Variants in ARMC3 observed in about 807,000 individuals in gnomAD.
ARMC3 encodes the protein armadillo repeat containing 3.
A neutral mutation model predicts 90.3 loss-of-function variants in ARMC3; 74 were observed. That is an observed-to-expected ratio of 0.82 (90% CI 0.68 to 0.99). The LOEUF is 0.99. Among genes scored for constraint, ARMC3 ranks in the 50% least tolerant of loss-of-function variants. The pLI is 0.00. For missense variants in ARMC3, 958 were observed against 1,042.8 expected (o/e 0.92, Z 1.12); for synonymous variants, 334 against 361.8 (o/e 0.92, Z 0.87).
chr10:22,947,326 A>C (rs1476638353), intron 3 of ARMC3, among the ~76,000 whole-genome samples: 2 of 60,216 alleles, frequency 3.3e-5, no homozygotes, highest in South Asian at 4.0e-4. Context: ...CCAACCAACC[A>C]AAAAAAAAAA....
intron 2 of ARMC3, among the ~76,000 whole-genome samples, chr10:22,941,050 T>C (rs1834307944): frequency 6.6e-6 from 1 of 152,186 alleles, no homozygotes. Context: ...CCATGAAACA[T>C]GGATCTCAAA....
Position 23,037,451 on chromosome 10 carries a change from G to A in ARMC3, c.2591G>A (p.Arg864Gln), listed in dbSNP as rs751529638. The stretch of plus-strand genomic sequence containing the variant: ...GGTGGACTGATGAAGTTGAGAAGTC[G>A]AGAGGCTGATCTTTACAGATTCATT... ...HPGGLMKLRSREADLYRFI is the reference protein window; with the variant it reads ...HPGGLMKLRSQEADLYRFI Residue 864 changes from arginine to glutamine, a missense_variant, in exon 19 of 19, where the codon CGA (arginine) becomes CAA (glutamine). Transcript: ENST00000298032. The A allele has an allele frequency of 1.3e-5, 21 of 1,613,836 alleles. No homozygotes were observed. Among genetic ancestry groups the A allele is most frequent in the Non-Finnish European group, 1.7e-5 (20 of 1,179,902 alleles).
intron 16 of ARMC3, among the ~76,000 whole-genome samples, chr10:23,013,562 GTTAA>G (rs1838123690): frequency 6.6e-6 from 1 of 152,188 alleles, no homozygotes; most frequent in Non-Finnish European, 1.5e-5. Flanking sequence ...CCACGATTAA[GTTAA>G]TTAACACTTC....
intron 16 of ARMC3, among the ~76,000 whole-genome samples, chr10:23,016,861 C>A (rs984246915): frequency 5.3e-5 from 8 of 152,272 alleles, no homozygotes; most frequent in Admixed American, 5.2e-4. Flanking sequence ...ACACTCCTGC[C>A]TCTGTTTTGT....
At chr10:23,016,224 ATCT>A (rs1271495255) in intron 16 of ARMC3, among the ~76,000 whole-genome samples, 1 of 152,150 alleles carries the variant, frequency 6.6e-6, no homozygotes, top group Non-Finnish European at 1.5e-5. Context: ...ACATAACAAA[ATCT>A]TCTTGCTTAA....
intron 18 of ARMC3, among the ~76,000 whole-genome samples, chr10:23,034,476 T>C (rs921849889): frequency 2.0e-4 from 30 of 152,106 alleles, no homozygotes; most frequent in Admixed American, 1.8e-3. Flanking sequence ...CCTGGAGAAA[T>C]AATTTTACCC....
intron 2 of ARMC3, among the ~76,000 whole-genome samples, chr10:22,944,477 CTATT>C (rs1298332172): frequency 6.6e-6 from 1 of 152,148 alleles, no homozygotes. Context: ...GGAGCTTTCT[CTATT>C]TACCCCAGTT....
At position 23,019,469 on chromosome 10, in the gene ARMC3, G is replaced by C. The variant is rs900295814; in HGVS notation, c.2045+10538G>C. 9.9e-5 allele frequency among the ~76,000 whole-genome samples: 15 copies of C among 152,160 alleles called. 1 individual carries two copies. Among genetic ancestry groups the C allele is most frequent in the Admixed American group, 9.2e-4 (14 of 15,272 alleles). On this transcript the variant is annotated intron_variant, in intron 16 of 18. Transcript: ENST00000298032. ...ATCATCACAATCAGGATACAAAACA[G>C]TTCCATCACCCCAGATAATCCTAAC... is the stretch of plus-strand genomic sequence containing the variant.
At chr10:22,941,538 C>G (rs1834329427) in intron 2 of ARMC3, among the ~76,000 whole-genome samples, 2 of 152,082 alleles carry the variant, frequency 1.3e-5, no homozygotes, top group Non-Finnish European at 2.9e-5. Flanking sequence ...ATGTGCTATT[C>G]TTAGCGTCTG....
At chr10:23,024,437 C>T (rs1838634981) in intron 16 of ARMC3, among the ~76,000 whole-genome samples, 1 of 146,926 alleles carries the variant, frequency 6.8e-6, no homozygotes. Flanking sequence ...TAGATAGATA[C>T]CTCCATGCAG....
intron 2 of ARMC3, among the ~76,000 whole-genome samples, chr10:22,945,069 C>T (rs1388559322): frequency 1.3e-5 from 2 of 152,196 alleles, no homozygotes; most frequent in Non-Finnish European, 2.9e-5. Flanking sequence ...AGCCATTTCT[C>T]CTCCAAAAGG....
chr10:22,996,232 TA>T (rs1234861667), intron 10 of ARMC3, among the ~76,000 whole-genome samples: 1 of 152,220 alleles, frequency 6.6e-6, no homozygotes, highest in Non-Finnish European at 1.5e-5. Context: ...TAAACTAATA[TA>T]TTAGAACCTC....
intron 7 of ARMC3, among the ~76,000 whole-genome samples, chr10:22,965,093 T>C (rs1380781318): frequency 6.6e-6 from 1 of 152,220 alleles, no homozygotes; most frequent in Non-Finnish European, 1.5e-5. Context: ...TACCTATCCA[T>C]ATATTCATCT....
intron 11 of ARMC3, among the ~76,000 whole-genome samples, chr10:23,001,330 C>A (rs577676761): frequency 6.6e-6 from 1 of 152,288 alleles, no homozygotes; most frequent in South Asian, 2.1e-4. Context: ...CCAGGGGCTT[C>A]CCACATTGCT....
At chr10:22,945,107 A>G (rs1272622285) in intron 2 of ARMC3, among the ~76,000 whole-genome samples, 20 of 152,158 alleles carry the variant, frequency 1.3e-4, no homozygotes, top group Admixed American at 1.3e-3. Context: ...GTGTCCTTTC[A>G]GGTCATTGTT....
Position 23,033,026 on chromosome 10 carries a change from G to A in ARMC3, c.2409+3G>A, listed in dbSNP as rs1273390878. ...ACCATCGAGCTTTGCTTTTCAAGGT[G>A]TGTAAGGTATTTTGCCTCATTTGCC... is the stretch of plus-strand genomic sequence containing the variant. On this transcript the variant is annotated splice_donor_region_variant and intron_variant, in intron 18 of 18. Transcript: ENST00000298032. 2 of 1,611,838 alleles carry A rather than the reference G, an allele frequency of 1.2e-6. No homozygotes were observed. Among genetic ancestry groups the A allele is most frequent in the African/African-American group, 2.7e-5 (2 of 74,792 alleles).
At position 22,955,819 on chromosome 10, in the gene ARMC3, A is replaced by C; in HGVS notation, c.179A>C (p.Lys60Thr). Reference sequence around the variant, plus strand: ...CGTGTGATGTCAGGTGAGGAAAATAAAACAACCCTCCTTGAACTTGGAGCT... The same window carrying C: ...CGTGTGATGTCAGGTGAGGAAAATACAACAACCCTCCTTGAACTTGGAGCT... The part of the protein sequence containing the change: ...YKFALKGEEN[K>T]TTLLELGAVE... The change falls in exon 4 of 19, where the codon AAA (lysine) becomes ACA (threonine). Residue 60 changes from lysine (K) to threonine (T), a missense_variant. Coordinates refer to ENST00000298032, the MANE Select transcript of ARMC3 (RefSeq NM_173081.5). 2.5e-6 allele frequency: 4 copies of C among 1,613,822 alleles called. No individual in the cohort carries two copies. Among genetic ancestry groups the C allele is most frequent in the Non-Finnish European group, 3.4e-6 (4 of 1,179,856 alleles).
chr10:22,966,464 A>C (rs1412639697), intron 7 of ARMC3, among the ~76,000 whole-genome samples: 1 of 152,184 alleles, frequency 6.6e-6, no homozygotes, highest in African/African-American at 2.4e-5. Context: ...TTCTCCACGC[A>C]TGTATAGTTT....
At chr10:22,948,935 C>A (rs1834637834) in intron 3 of ARMC3, among the ~76,000 whole-genome samples, 1 of 152,152 alleles carries the variant, frequency 6.6e-6, no homozygotes. Flanking sequence ...ATAGTTGGAA[C>A]AAGAGGCACC....
Sources: allele counts gnomAD v4.1 joint callset (sites outside exome capture counted in the v4.1 genomes callset), GRCh38; gene constraint gnomAD v4.1.1; transcripts MANE v1.5; gene names NCBI Gene and HGNC (gene_info 2026-07-23, HGNC 2026-07-21).